PEX5: variants seen among roughly 807,000 people sequenced by gnomAD.
PEX5 encodes PTS1 receptor.
PEX5 carries 52 observed loss-of-function variants against 82.9 expected under a neutral mutation model. The ratio of observed to expected loss-of-function variants is 0.63; its 90% CI spans 0.50 to 0.79. PEX5 has a LOEUF of 0.79. PEX5 is among the 30% of genes least tolerant of loss of function. The pLI, the probability that PEX5 is intolerant of heterozygous loss-of-function variation, is 0.00. For synonymous variants in PEX5, 300 were observed against 318.8 expected (o/e 0.94, Z 0.63); for missense variants, 719 against 815.2 (o/e 0.88, Z 1.44).
chr12:7,189,648 C>T (rs1940498108), upstream of PEX5: 3 of 336,940 alleles, frequency 8.9e-6, no homozygotes, highest in Admixed American at 9.7e-5. Context: ...GGTCACGGCC[C>T]CTTTAAGCCT....
chr12:7,199,118 G>T lies in PEX5; in HGVS notation c.551+5G>T. ...GGGAACAGCCACCGATCGCTGGTGAGTTCAGATACCTCTTTCCGAATCCCG... is the reference window on the plus strand; with the variant it reads ...GGGAACAGCCACCGATCGCTGGTGATTTCAGATACCTCTTTCCGAATCCCG... On this transcript the variant is annotated splice_donor_5th_base_variant and intron_variant, in intron 6 of 15. Transcript: ENST00000675855. 1 of 1,509,486 alleles carries T rather than the reference G, an allele frequency of 6.6e-7. No individual in the cohort carries two copies. Among genetic ancestry groups the T allele is most frequent in the Non-Finnish European group, 9.1e-7 (1 of 1,097,832 alleles). 93.5% of individuals were successfully genotyped at this position (1,509,486 alleles called of 1,614,324 possible).
At chr12:7,195,756 A>G (rs1335378805) in intron 5 of PEX5, among the ~76,000 whole-genome samples, 2 of 151,426 alleles carry the variant, frequency 1.3e-5, no homozygotes, top group Non-Finnish European at 2.9e-5. Flanking sequence ...TTGAGGAGGT[A>G]GTAGTTATTT....
At chr12:7,208,314 T>A (rs1316835889) in intron 12 of PEX5, 143 bp from the exon 13 acceptor site, 3 of 755,406 alleles carry the variant, frequency 4.0e-6, no homozygotes, top group Non-Finnish European at 4.7e-6. Context: ...GATCTGTAAC[T>A]TTATTATTAA....
At chr12:7,190,103 C>T (rs1441301836) in intron 1 of PEX5, 1 of 1,489,486 alleles carries the variant, frequency 6.7e-7, no homozygotes, top group Non-Finnish European at 8.8e-7. Context: ...CTGCTGGCCC[C>T]CAGCCCATGG....
intron 10 of PEX5, among the ~76,000 whole-genome samples, chr12:7,206,557 C>T (rs1353513570): frequency 1.4e-5 from 2 of 140,496 alleles, no homozygotes; most frequent in African/African-American, 5.0e-5. Context: ...AATATACTTT[C>T]TATACATTTA....
At chr12:7,203,655 T>TC (rs1944425063) in intron 10 of PEX5, 104 bp downstream of exon 10, 1 of 1,126,316 alleles carries the variant, frequency 8.9e-7, no homozygotes, top group Admixed American at 2.0e-5. Context: ...TTTTCTTGAG[T>TC]CCCTTTCCAC....
At chr12:7,200,451 G>C (rs1428416827) in intron 6 of PEX5, among the ~76,000 whole-genome samples, 1 of 151,946 alleles carries the variant, frequency 6.6e-6, no homozygotes, top group African/African-American at 2.4e-5. Flanking sequence ...GACGATGGGC[G>C]GCCAGGCAGA....
In PEX5 at chr12:7,209,008, C is replaced by A. The variant is rs770428965; in HGVS notation, c.1398C>A (p.Ser466=). ...KRILGSLLSD[S]LFLEVKELFL... Reference sequence around the variant, plus strand: ...TGTTTTTTTCCTTTTCATCCAGCTCCCTGTTTCTTGAAGTGAAAGAGCTCT... The same window carrying A: ...TGTTTTTTTCCTTTTCATCCAGCTCACTGTTTCTTGAAGTGAAAGAGCTCT... The change falls in exon 14 of 16, where the codon TCC becomes TCA. Residue 466 remains serine (S), a synonymous_variant. Transcript: ENST00000675855. The A allele has an allele frequency of 3.1e-6, 5 of 1,614,016 alleles. No homozygotes were observed. The South Asian group carries it at 5.5e-5, about 18-fold the overall frequency.
chr12:7,193,603 A>C (rs1357560338), intron 5 of PEX5, among the ~76,000 whole-genome samples: 2 of 152,144 alleles, frequency 1.3e-5, no homozygotes, highest in African/African-American at 4.8e-5. Flanking sequence ...CCAAGACAGA[A>C]ACTCAGTTTT....
intron 12 of PEX5, 34 bp from the exon 13 acceptor site, chr12:7,208,423 C>A: frequency 6.6e-7 from 1 of 1,509,934 alleles, no homozygotes; most frequent in Non-Finnish European, 9.2e-7. Context: ...TCAGTCATTG[C>A]AGATATCAAG....
In PEX5 at chr12:7,210,402, A is replaced by G. The variant is rs192786621; in HGVS notation, c.*179A>G. On this transcript the variant is annotated 3_prime_UTR_variant, in exon 16 of 16. Transcript: ENST00000675855. ...TGTGTTCTAGTTCCTACATAATTGT[A>G]GGAAAATGAGCTGTGTCATCTCTGA... The G allele has an allele frequency of 1.7e-3, 1,150 of 660,244 alleles. 3 individuals are homozygous for G. Among genetic ancestry groups the G allele is most frequent in the Non-Finnish European group, 2.4e-3 (890 of 363,960 alleles). The allele number at this position is 660,244 out of a possible 1,614,324, so 40.9% of individuals were successfully genotyped here. A position where few individuals can be genotyped will look rare whatever the true frequency, so the allele number is the denominator to read the frequency against.
rs201262101 is a variant in PEX5 at position 7,197,250 on chromosome 12, CAT to C, written c.449-1758_449-1757del. ...TATGTCATATGTAATAATTATATGTCATATGTAATAATTATATATGTCATATA... is the reference window on the plus strand; with the variant it reads ...TATGTCATATGTAATAATTATATGTCATGTAATAATTATATATGTCATATA... On this transcript the variant is annotated intron_variant, in intron 5 of 15. Transcript: ENST00000675855. Among the ~76,000 whole-genome samples the C allele has an allele frequency of 1.6e-4, 2 of 12,184 alleles. 1 individual carries two copies. The highest frequency in any genetic ancestry group is 3.7e-4 in the African/African-American group (2 of 5,418). 8.0% of individuals were successfully genotyped at this position (12,184 alleles called of 152,430 possible).
chr12:7,202,727 C>T (rs1458223695), intron 9 of PEX5, 23 bp downstream of exon 9: 3 of 1,525,508 alleles, frequency 2.0e-6, no homozygotes, highest in Non-Finnish European at 2.7e-6. Context: ...AGTGCAGGAG[C>T]AGACACCCCA....
At chr12:7,213,857 A>C (rs999592666), downstream of PEX5, among the ~76,000 whole-genome samples, 4 of 151,384 alleles carry the variant, frequency 2.6e-5, no homozygotes, top group African/African-American at 9.7e-5. Context: ...CAGAATCTAC[A>C]ATGAACTCAA....
intron 1 of PEX5, 179 bp from the exon 2 acceptor site, chr12:7,190,183 G>T (rs1237483167): frequency 6.6e-7 from 1 of 1,521,730 alleles, no homozygotes; most frequent in African/African-American, 1.4e-5. Flanking sequence ...GGCGGCAGGA[G>T]AGAGTACCGA....
At chr12:7,194,948 G>T (rs114451133) in intron 5 of PEX5, among the ~76,000 whole-genome samples, 1 of 152,306 alleles carries the variant, frequency 6.6e-6, no homozygotes, top group African/African-American at 2.4e-5. Context: ...GGTTTTCACC[G>T]CAGCCCCTAC....
At chr12:7,199,249 C>A (rs1222907042) in intron 6 of PEX5, 136 bp downstream of exon 6, 28 of 483,812 alleles carry the variant, frequency 5.8e-5, no homozygotes, top group Non-Finnish European at 6.0e-5. Flanking sequence ...GTGTTTCTTG[C>A]AGAGGGGGAT....
At position 7,209,189 on chromosome 12, in the gene PEX5, T is replaced by A. The variant is rs772671180; in HGVS notation, c.1560+19T>A. The stretch of plus-strand genomic sequence containing the variant: ...TCCCAATGTGAGCCCAGGGGAGGAA[T>A]GGAAATGGGACATGACTGTGTACCT... On this transcript the variant is annotated intron_variant, in intron 14 of 15. Coordinates refer to ENST00000675855, the MANE Select transcript of PEX5 (RefSeq NM_001351132.2). 2.5e-6 allele frequency: 4 copies of A among 1,611,816 alleles called. No homozygotes were observed. The Admixed American group carries it at 5.0e-5, about 20-fold the overall frequency.
intron 1 of PEX5, 75 bp downstream of exon 1, chr12:7,189,825 C>T (rs1335140230): frequency 2.9e-6 from 3 of 1,039,360 alleles, no homozygotes; most frequent in African/African-American, 3.4e-5. Context: ...CCTCGCGGGT[C>T]CCAGGGGCGG....
Sources: gnomAD v4.1 joint callset for allele counts (sites outside exome capture counted in the v4.1 genomes callset) on GRCh38, gnomAD v4.1.1 for gene constraint, MANE v1.5 for transcripts, NCBI Gene and HGNC (gene_info 2026-07-23, HGNC 2026-07-21) for gene names.